MAPK10: variants seen among roughly 807,000 people sequenced by gnomAD.
The protein encoded by MAPK10 is mitogen-activated protein kinase 10, also known as JNK3 alpha protein kinase.
In MAPK10, 25 loss-of-function variants were observed where a neutral mutation model predicts 59.3. The ratio of observed to expected loss-of-function variants is 0.42; its 90% CI spans 0.31 to 0.59. The LOEUF (loss-of-function observed/expected upper bound fraction) is 0.59. Ranked by LOEUF, MAPK10 falls within the 20% of genes least tolerant of loss-of-function variation. The pLI, the probability that MAPK10 is intolerant of heterozygous loss-of-function variation, is 0.15. For missense variants in MAPK10, 351 were observed against 568.9 expected (o/e 0.62, Z 3.90); for synonymous variants, 190 against 200.5 (o/e 0.95, Z 0.44).
chr4:86,458,874 C>A (rs544742154), intron 1 of MAPK10, among the ~76,000 whole-genome samples: 2 of 152,092 alleles, frequency 1.3e-5, no homozygotes, highest in Admixed American at 1.3e-4. Flanking sequence ...TTCATGACCA[C>A]GAACCCAGAA....
intron 4 of MAPK10, among the ~76,000 whole-genome samples, chr4:86,127,204 TAAA>T (rs5860018): frequency 0.18 from 25,223 of 136,646 alleles, 2,218 homozygotes; most frequent in African/African-American, 0.22. Flanking sequence ...TTAGCTTAAT[TAAA>T]AAAAAAAAAA....
rs112253477 is a variant in MAPK10, at chr4:86,085,542, A to G, written c.802+12982T>C. Among the ~76,000 whole-genome samples the G allele has an allele frequency of 4.3e-3, 662 of 152,332 alleles. 30 individuals carry two copies. In the East Asian group the frequency reaches 0.1, roughly 24 times the overall value. ...CAGAGAAATGCAAATCAAAACTACA[A>G]TGAGATATCATCTCACCCCGGTTAA... On this transcript the variant is annotated intron_variant, in intron 9 of 13. Transcript: ENST00000641462.
chr4:86,529,176 G>A (rs564008268), intron 1 of MAPK10, among the ~76,000 whole-genome samples: 1 of 152,310 alleles, frequency 6.6e-6, no homozygotes, highest in African/African-American at 2.4e-5. Context: ...CTCCGGGCTC[G>A]ATGAGGACCA....
chr4:86,096,446 T>C (rs1208412940), intron 9 of MAPK10, among the ~76,000 whole-genome samples: 2 of 151,900 alleles, frequency 1.3e-5, no homozygotes, highest in African/African-American at 4.8e-5. Context: ...ATTGTCAAAA[T>C]AGAAGAAAAG....
At chr4:86,282,799 T>C (rs926910292) in intron 2 of MAPK10, among the ~76,000 whole-genome samples, 7 of 152,140 alleles carry the variant, frequency 4.6e-5, no homozygotes, top group Non-Finnish European at 8.8e-5. Context: ...AATGGGAACA[T>C]CCAAGAGGAT....
intron 3 of MAPK10, chr4:86,176,192 A>G (rs537031127): frequency 1.3e-4 from 20 of 152,312 alleles, no homozygotes; most frequent in African/African-American, 4.8e-4. Flanking sequence ...CAGAAGGATA[A>G]TAGAATTAAA....
intron 9 of MAPK10, chr4:86,081,638 A>G (rs1267442136): frequency 7.0e-6 from 1 of 142,064 alleles, no homozygotes; most frequent in East Asian, 2.0e-4. Flanking sequence ...ATGTAAATTA[A>G]ACCTCCAGTG....
intron 2 of MAPK10, among the ~76,000 whole-genome samples, chr4:86,208,769 G>T (rs2084931652): frequency 6.6e-6 from 1 of 152,020 alleles, no homozygotes; most frequent in South Asian, 2.1e-4. Flanking sequence ...AAAATAAAGG[G>T]TATTCAATTA....
intron 2 of MAPK10, among the ~76,000 whole-genome samples, chr4:86,246,420 G>A (rs1269269592): frequency 1.3e-5 from 2 of 152,176 alleles, no homozygotes; most frequent in Non-Finnish European, 2.9e-5. Flanking sequence ...AGCAGAGCAA[G>A]ACTCCATCTC....
upstream of MAPK10, among the ~76,000 whole-genome samples, chr4:86,364,448 T>C (rs1309483861): frequency 6.6e-6 from 1 of 152,172 alleles, no homozygotes; most frequent in Non-Finnish European, 1.5e-5. Context: ...TCTTTTGAAG[T>C]ATTTTCCAAA....
At chr4:86,197,910 T>C (rs2081735982) in intron 2 of MAPK10, among the ~76,000 whole-genome samples, 1 of 152,130 alleles carries the variant, frequency 6.6e-6, no homozygotes, top group African/African-American at 2.4e-5. Context: ...TGATAGACTA[T>C]GAATTAATAG....
intron 9 of MAPK10, among the ~76,000 whole-genome samples, chr4:86,097,793 CATAG>C (rs2054527594): frequency 6.6e-6 from 1 of 151,990 alleles, no homozygotes; most frequent in African/African-American, 2.4e-5. Context: ...AATTCCAAAT[CATAG>C]ATAGCTCTAC....
intron 11 of MAPK10, among the ~76,000 whole-genome samples, chr4:86,063,528 G>C (rs1037549688): frequency 3.3e-5 from 5 of 152,076 alleles, no homozygotes; most frequent in African/African-American, 9.7e-5. Flanking sequence ...TCATCAGGAG[G>C]CCTATAGAAC....
At chr4:86,452,034 A>G (rs1003604124) in intron 1 of MAPK10, among the ~76,000 whole-genome samples, 6 of 152,208 alleles carry the variant, frequency 3.9e-5, no homozygotes, top group African/African-American at 1.4e-4. Context: ...GGAGACTGAA[A>G]TGCAGAAAGA....
At chr4:86,302,342 G>T (rs1408743150) in intron 2 of MAPK10, among the ~76,000 whole-genome samples, 2 of 152,214 alleles carry the variant, frequency 1.3e-5, no homozygotes, top group South Asian at 2.1e-4. Context: ...GTCTTCAGTG[G>T]TACTGAACCA....
At chr4:86,455,040 T>C (rs1356217809), upstream of MAPK10, among the ~76,000 whole-genome samples, 4 of 152,096 alleles carry the variant, frequency 2.6e-5, no homozygotes, top group South Asian at 2.1e-4. Flanking sequence ...CTAAGCTTCA[T>C]AAGTGAAGGA....
intron 1 of MAPK10, chr4:86,356,997 T>G (rs1161760220): frequency 6.6e-6 from 1 of 152,160 alleles, no homozygotes; most frequent in Non-Finnish European, 1.5e-5. Flanking sequence ...TACTGGACAC[T>G]TCCGTGCCTC....
intron 13 of MAPK10, among the ~76,000 whole-genome samples, chr4:86,019,025 C>T (rs1178156877): frequency 6.6e-6 from 1 of 152,096 alleles, no homozygotes; most frequent in South Asian, 2.1e-4. Flanking sequence ...GACACAAACA[C>T]CTAAACTAAG....
At chr4:86,427,050 G>A (rs1162939450) in intron 1 of MAPK10, among the ~76,000 whole-genome samples, 1 of 151,924 alleles carries the variant, frequency 6.6e-6, no homozygotes, top group Non-Finnish European at 1.5e-5. Flanking sequence ...GAGGTCAAGA[G>A]ATCGAGACCA....
Sources: allele counts gnomAD v4.1 joint callset (sites outside exome capture counted in the v4.1 genomes callset), GRCh38; gene constraint gnomAD v4.1.1; transcripts MANE v1.5; gene names NCBI Gene and HGNC (gene_info 2026-07-23, HGNC 2026-07-21).